DGLUCY: variants seen among roughly 807,000 people sequenced by gnomAD.
DGLUCY encodes D-glutamate cyclase, mitochondrial.
In DGLUCY, 58 loss-of-function variants were observed where a neutral mutation model predicts 58.5. That is an observed-to-expected ratio of 0.99 (90% confidence interval 0.80 to 1.23). DGLUCY has a LOEUF of 1.23. DGLUCY is among the 50% of genes most tolerant of loss of function. The pLI is 0.00. For synonymous variants in DGLUCY, 325 were observed against 314.1 expected, an observed-to-expected ratio of 1.03 and a Z score of -0.37; for missense variants, 779 against 784.7, an observed-to-expected ratio of 0.99 and a Z score of 0.09.
intron 13 of DGLUCY, among the ~76,000 whole-genome samples, chr14:91,224,162 G>T (rs1887894042): frequency 6.6e-6 from 1 of 152,192 alleles, no homozygotes; most frequent in African/African-American, 2.4e-5. Context: ...ATCCAGGGCT[G>T]GGAGGAACTT....
chr14:91,146,220 A>G (rs538851716), intron 1 of DGLUCY, among the ~76,000 whole-genome samples: 1 of 152,220 alleles, frequency 6.6e-6, no homozygotes, highest in Non-Finnish European at 1.5e-5. Context: ...GAGGTTGCCC[A>G]CTAATCTCAC....
At chr14:91,132,478 C>CTTTTTTTTTTTTTTTTTTT (rs111238992) in intron 1 of DGLUCY, among the ~76,000 whole-genome samples, 1 of 142,544 alleles carries the variant, frequency 7.0e-6, no homozygotes, top group Non-Finnish European at 1.5e-5. Context: ...ATAACTTTTT[C>CTTTTTTTTTTTTTTTTTTT]TTTTTTTTTT....
chr14:91,127,443 G>A (rs552300453), intron 1 of DGLUCY, among the ~76,000 whole-genome samples: 2 of 152,296 alleles, frequency 1.3e-5, no homozygotes, highest in South Asian at 2.1e-4. Flanking sequence ...CCTTGTCCTC[G>A]CTGCACCTGC....
chr14:91,167,841 G>C, intron 4 of DGLUCY: 1 of 607,174 alleles, frequency 1.6e-6, no homozygotes, highest in Non-Finnish European at 2.9e-6. Flanking sequence ...CTTTCCTATG[G>C]CACCAGCACA....
At chr14:91,061,167 C>T (rs1372144322) in intron 1 of DGLUCY, among the ~76,000 whole-genome samples, 2 of 152,104 alleles carry the variant, frequency 1.3e-5, no homozygotes, top group Admixed American at 6.5e-5. Flanking sequence ...CCTAAGGGTC[C>T]CGGCAGCGAT....
chr14:91,117,646 T>TAC (rs765720920), intron 1 of DGLUCY, among the ~76,000 whole-genome samples: 6,597 of 149,458 alleles, frequency 0.044, 201 homozygotes, highest in Middle Eastern at 0.1. Flanking sequence ...TTTGTTCACA[T>TAC]ACACACACAC....
intron 1 of DGLUCY, among the ~76,000 whole-genome samples, chr14:91,154,737 C>CCCTGCTGT (rs1447636312): frequency 2.0e-5 from 3 of 152,192 alleles, no homozygotes; most frequent in African/African-American, 7.2e-5. Flanking sequence ...GCTTTGGCTG[C>CCCTGCTGT]CCTGCTGTCC....
intron 1 of DGLUCY, among the ~76,000 whole-genome samples, chr14:91,141,214 T>C (rs1437636610): frequency 6.6e-6 from 1 of 151,924 alleles, no homozygotes. Context: ...GGTGAATCCC[T>C]GTCTCTACTA....
At chr14:91,061,491 A>C (rs1327296576) in intron 1 of DGLUCY, among the ~76,000 whole-genome samples, 1 of 152,242 alleles carries the variant, frequency 6.6e-6, no homozygotes, top group Non-Finnish European at 1.5e-5. Context: ...ATAAAGCAGA[A>C]TTTGAAATAA....
At chr14:91,223,815 A>G in intron 13 of DGLUCY, 1 of 800,944 alleles carries the variant, frequency 1.2e-6, no homozygotes. Flanking sequence ...CCTCAGAACA[A>G]CCCTCTAAAG....
intron 1 of DGLUCY, among the ~76,000 whole-genome samples, chr14:91,157,066 G>A (rs1287750151): frequency 3.5e-5 from 5 of 144,192 alleles, no homozygotes; most frequent in African/African-American, 1.0e-4. Flanking sequence ...TGAGTGGGTG[G>A]ATGGATGGAT....
intron 1 of DGLUCY, among the ~76,000 whole-genome samples, chr14:91,092,061 A>G (rs1406649991): frequency 6.6e-6 from 1 of 152,060 alleles, no homozygotes; most frequent in Non-Finnish European, 1.5e-5. Context: ...GCCTCTACCT[A>G]CCTGGAGCTC....
Position 91,204,768 on chromosome 14 carries a change from A to T in DGLUCY, c.1507A>T (p.Ile503Leu), listed in dbSNP as rs753024021. 1.2e-6 allele frequency: 2 copies of T among 1,614,166 alleles called. No homozygotes were observed. Among genetic ancestry groups the T allele is most frequent in the Non-Finnish European group, 1.7e-6 (2 of 1,180,016 alleles). ...AGTCAAGGAGGCTGTGAGGAGGCAC[A>T]TACGGCACGGGGATGTCATCGCCTG... The part of the protein sequence containing the change: ...GKVKEAVRRH[I>L]RHGDVIACDV... The change falls in exon 12 of 14, where the codon ATA (isoleucine) becomes TTA (leucine). Residue 503 changes from isoleucine (I) to leucine (L), a missense_variant. Coordinates refer to ENST00000256324, the MANE Select transcript of DGLUCY (RefSeq NM_001102368.3).
chr14:91,068,106 CACACACACA>C (rs936604656), intron 1 of DGLUCY, among the ~76,000 whole-genome samples: 8 of 152,050 alleles, frequency 5.3e-5, no homozygotes, highest in African/African-American at 1.9e-4. Context: ...CACACACACA[CACACACACA>C]CCCCTTGCAT....
intron 13 of DGLUCY, chr14:91,220,376 G>A: frequency 2.4e-6 from 1 of 414,784 alleles, no homozygotes; most frequent in Non-Finnish European, 4.9e-6. Context: ...TTCAATAAAT[G>A]CCAACCGTCA....
At chr14:91,097,653 C>T (rs779480436) in intron 1 of DGLUCY, among the ~76,000 whole-genome samples, 1 of 151,364 alleles carries the variant, frequency 6.6e-6, no homozygotes, top group Non-Finnish European at 1.5e-5. Flanking sequence ...CTCTACTTGG[C>T]GATCAAGGAC....
intron 6 of DGLUCY, among the ~76,000 whole-genome samples, chr14:91,175,450 C>G (rs2048804356): frequency 6.6e-6 from 1 of 152,174 alleles, no homozygotes; most frequent in Admixed American, 6.5e-5. Flanking sequence ...GAGGATGATT[C>G]AGGGCCACCC....
intron 1 of DGLUCY, among the ~76,000 whole-genome samples, chr14:91,098,434 G>A (rs1470896333): frequency 2.0e-5 from 3 of 152,204 alleles, no homozygotes; most frequent in Non-Finnish European, 4.4e-5. Flanking sequence ...CCCAGCCTGG[G>A]TGACAGAGTA....
At chr14:91,081,824 T>C (rs1203830210) in intron 1 of DGLUCY, among the ~76,000 whole-genome samples, 3 of 151,980 alleles carry the variant, frequency 2.0e-5, no homozygotes, top group African/African-American at 7.3e-5. Context: ...CCATGCAACC[T>C]CCACCTCCCA....
Sources: allele counts gnomAD v4.1 joint callset (sites outside exome capture counted in the v4.1 genomes callset), GRCh38; gene constraint gnomAD v4.1.1; transcripts MANE v1.5; gene names NCBI Gene and HGNC (gene_info 2026-07-23, HGNC 2026-07-21).